Variants in RTF1 observed in about 807,000 individuals in gnomAD.
RTF1 encodes the protein RNA polymerase-associated protein RTF1 homolog.
RTF1 carries 10 observed loss-of-function variants against 95.7 expected under a neutral mutation model. The ratio of observed to expected loss-of-function variants is 0.10; its 90% CI spans 0.06 to 0.18. RTF1 has a LOEUF of 0.18. RTF1 is among the 10% of genes least tolerant of loss of function. The pLI is 1.00. For synonymous variants in RTF1, 305 were observed against 311.8 expected (o/e 0.98, Z 0.23); for missense variants, 458 against 875.6 (o/e 0.52, Z 6.02).
Position 41,480,942 on chromosome 15 carries a change from T to TA in RTF1, c.*255_*256insA, listed in dbSNP as rs1566851595. ...GCTCTCTTGGGCTTTATCCATGTCT[T>TA]TAGATTTGTGTTTGCCTTTTGTTTT... On this transcript the variant is annotated 3_prime_UTR_variant, in exon 18 of 18. Transcript: ENST00000389629. 16 of 486,158 alleles carry TA rather than the reference T, an allele frequency of 3.3e-5. No homozygotes were observed. In the Admixed American group the frequency reaches 4.0e-4, roughly 12 times the overall value. 30.1% of individuals were successfully genotyped at this position (486,158 alleles called of 1,614,324 possible). A position where few individuals can be genotyped will look rare whatever the true frequency, so the allele number is the denominator to read the frequency against.
chr15:41,467,097 G>A (rs1452982198), intron 6 of RTF1, among the ~76,000 whole-genome samples: 1 of 152,130 alleles, frequency 6.6e-6, no homozygotes, highest in African/African-American at 2.4e-5. Context: ...CCACAATAAT[G>A]TGAAGTAACA....
chr15:41,482,407 C>A lies in RTF1; in HGVS notation c.*1720C>A, dbSNP rs988943356. ...AAAAGCTCTGCTTTGTACTTCCTCA[C>A]CCTGCTTTCGTACAAGGAAGGGGGA... On this transcript the variant is annotated 3_prime_UTR_variant, in exon 18 of 18. Coordinates refer to ENST00000389629, the MANE Select transcript of RTF1 (RefSeq NM_015138.5). The A allele has an allele frequency of 6.6e-6, 1 of 152,564 alleles. No homozygotes were observed. 9.5% of individuals were successfully genotyped at this position (152,564 alleles called of 1,614,324 possible). A position where few individuals can be genotyped will look rare whatever the true frequency, so the allele number is the denominator to read the frequency against.
At chr15:41,448,825 T>C (rs953056461) in intron 2 of RTF1, 31 of 152,160 alleles carry the variant, frequency 2.0e-4, no homozygotes, top group African/African-American at 7.2e-4. Context: ...ATTTTAGATA[T>C]GTGCTGCTGA....
At chr15:41,478,876 A>G in intron 15 of RTF1, 2 of 604,480 alleles carry the variant, frequency 3.3e-6, no homozygotes. Flanking sequence ...AGTGCAGCAG[A>G]CATTAGTAAT....
intron 17 of RTF1, 44 bp downstream of exon 17, chr15:41,480,369 G>A: frequency 1.5e-6 from 2 of 1,346,814 alleles, no homozygotes; most frequent in Non-Finnish European, 2.1e-6. Context: ...GAACCAGATG[G>A]ATCCATGGTT....
chr15:41,453,754 A>AT (rs2050799555), intron 3 of RTF1, among the ~76,000 whole-genome samples: 1 of 152,080 alleles, frequency 6.6e-6, no homozygotes, highest in Non-Finnish European at 1.5e-5. Flanking sequence ...AAAAAAAAAA[A>AT]GAAAAATGCA....
intron 6 of RTF1, among the ~76,000 whole-genome samples, chr15:41,469,673 C>T (rs1364017951): frequency 1.3e-5 from 2 of 151,848 alleles, no homozygotes; most frequent in Admixed American, 1.3e-4. Context: ...TAACAGGTGC[C>T]GGCCACAATG....
At chr15:41,420,142 A>G (rs1013924729) in intron 1 of RTF1, among the ~76,000 whole-genome samples, 8 of 152,098 alleles carry the variant, frequency 5.3e-5, no homozygotes, top group African/African-American at 1.7e-4. Context: ...TTTAAATCCA[A>G]TTCTAAATAT....
intron 1 of RTF1, among the ~76,000 whole-genome samples, chr15:41,423,959 G>A (rs2050616063): frequency 6.6e-6 from 1 of 152,128 alleles, no homozygotes; most frequent in African/African-American, 2.4e-5. Flanking sequence ...CACCATGTTG[G>A]CCAGGCTGGT....
At chr15:41,458,371 A>T (rs1209437927) in intron 4 of RTF1, among the ~76,000 whole-genome samples, 1 of 152,182 alleles carries the variant, frequency 6.6e-6, no homozygotes, top group East Asian at 1.9e-4. Flanking sequence ...GTAGAACTGG[A>T]TTTCAAACCT....
chr15:41,483,022 C>T lies in RTF1; in HGVS notation c.*2335C>T, dbSNP rs1246095736. 6.5e-6 allele frequency: 1 copy of T among 152,752 alleles called. No homozygotes were observed. The highest frequency in any genetic ancestry group is 1.5e-5 in the Non-Finnish European group (1 of 68,046). 9.5% of individuals were successfully genotyped at this position (152,752 alleles called of 1,614,324 possible). A position where few individuals can be genotyped will look rare whatever the true frequency, so the allele number is the denominator to read the frequency against. The stretch of plus-strand genomic sequence containing the variant: ...TTTGCCACCACCTCCCCACATGTAG[C>T]CGCTGAAACCCCCACGAGATGCCAA... On this transcript the variant is annotated 3_prime_UTR_variant, in exon 18 of 18. Transcript: ENST00000389629.
rs1323751982 is a variant in RTF1 at position 41,453,505 on chromosome 15, C to T, written c.457+457C>T. The stretch of plus-strand genomic sequence containing the variant: ...CTTTGGGAGGCCAAGGTGGGAGGAT[C>T]GCTTGAGCCCAGGAGTTCAGGACTA... On this transcript the variant is annotated intron_variant, in intron 3 of 17. Transcript: ENST00000389629. 3.3e-5 allele frequency among the ~76,000 whole-genome samples: 5 copies of T among 152,030 alleles called. No homozygotes were observed. In the South Asian group the frequency reaches 8.3e-4, roughly 25 times the overall value.
intron 1 of RTF1, among the ~76,000 whole-genome samples, chr15:41,420,328 T>A (rs2050594172): frequency 1.3e-5 from 2 of 152,182 alleles, no homozygotes; most frequent in Non-Finnish European, 2.9e-5. Context: ...AGTTTGTCTG[T>A]TCAGCACTAT....
intron 1 of RTF1, among the ~76,000 whole-genome samples, chr15:41,436,872 A>C (rs1715432757): frequency 1.3e-5 from 2 of 152,012 alleles, no homozygotes; most frequent in Admixed American, 1.3e-4. Context: ...GCGGATTACA[A>C]GGTCAGGAGA....
chr15:41,449,017 T>G (rs997744454), intron 2 of RTF1, among the ~76,000 whole-genome samples: 4 of 151,642 alleles, frequency 2.6e-5, no homozygotes, highest in African/African-American at 9.7e-5. Context: ...CCTGAATAGC[T>G]GGGACTATAA....
At chr15:41,426,531 T>G (rs866619266) in intron 1 of RTF1, among the ~76,000 whole-genome samples, 3 of 151,884 alleles carry the variant, frequency 2.0e-5, no homozygotes, top group Non-Finnish European at 4.4e-5. Flanking sequence ...GATCTCGAAC[T>G]CCAGACGTCA....
chr15:41,447,762 C>G (rs527270394), intron 2 of RTF1, among the ~76,000 whole-genome samples: 2 of 152,094 alleles, frequency 1.3e-5, no homozygotes, highest in Non-Finnish European at 2.9e-5. Flanking sequence ...GTACTTGGTT[C>G]AGATGCACAC....
chr15:41,473,122 G>T (rs1307391887), intron 8 of RTF1, among the ~76,000 whole-genome samples: 1 of 151,670 alleles, frequency 6.6e-6, no homozygotes, highest in African/African-American at 2.4e-5. Flanking sequence ...CTTGGTGTTG[G>T]TTTTTTGTTT....
At chr15:41,424,984 G>GAT (rs2050621268) in intron 1 of RTF1, among the ~76,000 whole-genome samples, 1 of 151,922 alleles carries the variant, frequency 6.6e-6, no homozygotes, top group South Asian at 2.1e-4. Context: ...TAGCCTGGGT[G>GAT]ACAGAGAGAC....
Sources: allele counts gnomAD v4.1 joint callset (sites outside exome capture counted in the v4.1 genomes callset), GRCh38; gene constraint gnomAD v4.1.1; transcripts MANE v1.5; gene names NCBI Gene and HGNC (gene_info 2026-07-23, HGNC 2026-07-21).